ELMOD1: variants seen among roughly 807,000 people sequenced by gnomAD.
The protein encoded by ELMOD1 is ELMO domain containing 1.
ELMOD1 carries 21 observed loss-of-function variants against 46.7 expected under a neutral mutation model. That is an observed-to-expected ratio of 0.45 (90% CI 0.32 to 0.65). ELMOD1 has a LOEUF of 0.65. Ranked by LOEUF, ELMOD1 falls within the 30% of genes least tolerant of loss-of-function variation. ELMOD1 has a pLI of 0.04. For synonymous variants in ELMOD1, 122 were observed against 138.2 expected, an observed-to-expected ratio of 0.88 and a Z score of 0.82; for missense variants, 348 against 407.8, an observed-to-expected ratio of 0.85 and a Z score of 1.26.
chr11:107,654,275 C>T, intron 10 of ELMOD1, 53 bp downstream of exon 10: 1 of 1,442,750 alleles, frequency 6.9e-7, no homozygotes, highest in South Asian at 1.2e-5. Flanking sequence ...AGAACCAGAA[C>T]TAGAACTAGA....
intron 2 of ELMOD1, chr11:107,620,490 G>A (rs1230433939): frequency 2.6e-5 from 4 of 152,248 alleles, no homozygotes; most frequent in Non-Finnish European, 5.9e-5. Context: ...GCTAAAATGT[G>A]TATTTTAAAT....
intron 6 of ELMOD1, chr11:107,643,765 G>T (rs58817705): frequency 0.087 from 39,697 of 458,600 alleles, 2,413 homozygotes; most frequent in South Asian, 0.18. Context: ...GTTCTGTTGC[G>T]TATACTGCTG....
chr11:107,591,912 A>G (rs919786819), intron 1 of ELMOD1: 2 of 501,172 alleles, frequency 4.0e-6, no homozygotes, highest in African/African-American at 3.9e-5. Flanking sequence ...GCGAGCTGGG[A>G]GGAGCGGTCG....
At chr11:107,650,504 G>C (rs562549325) in intron 8 of ELMOD1, 101 bp downstream of exon 8, 26 of 894,388 alleles carry the variant, frequency 2.9e-5, no homozygotes, top group Non-Finnish European at 4.6e-5. Context: ...GGAGAGTGAG[G>C]CTCAAAGCTT....
rs759464252 is a variant in ELMOD1 at position 107,650,432 on chromosome 11, G to T, written c.623+29G>T. The T allele has an allele frequency of 3.4e-5, 49 of 1,448,778 alleles. No individual in the cohort carries two copies. In the Admixed American group the frequency reaches 7.2e-4, roughly 21 times the overall value. The allele number at this position is 1,448,778 out of a possible 1,614,324, so 89.7% of individuals were successfully genotyped here. The stretch of plus-strand genomic sequence containing the variant: ...ATTGTTGAAAGTAAAAGATGAATTA[G>T]GTTTTATGGGTTAGATCAAATGAAC... On this transcript the variant is annotated intron_variant, in intron 8 of 11. Coordinates refer to ENST00000265840, the MANE Select transcript of ELMOD1 (RefSeq NM_018712.4).
In ELMOD1 at chr11:107,666,778, T is replaced by C. The variant is rs1005967906; in HGVS notation, c.*1581T>C. On this transcript the variant is annotated 3_prime_UTR_variant, in exon 12 of 12. Transcript: ENST00000265840. Reference sequence around the variant, plus strand: ...AATTACATGTCATTCTACTGTAACGTATATTGGATTTCATATTAATATTTT... The same window carrying C: ...AATTACATGTCATTCTACTGTAACGCATATTGGATTTCATATTAATATTTT... The C allele has an allele frequency of 2.0e-5, 3 of 152,646 alleles. No homozygotes were observed. Among genetic ancestry groups the C allele is most frequent in the African/African-American group, 7.2e-5 (3 of 41,458 alleles). 9.5% of individuals were successfully genotyped at this position (152,646 alleles called of 1,614,324 possible). A position where few individuals can be genotyped will look rare whatever the true frequency, so the allele number is the denominator to read the frequency against.
At chr11:107,618,387 T>C (rs1268223782) in intron 2 of ELMOD1, among the ~76,000 whole-genome samples, 181 bp downstream of exon 2, 4 of 152,164 alleles carry the variant, frequency 2.6e-5, no homozygotes, top group Admixed American at 2.6e-4. Flanking sequence ...TAACTCTATA[T>C]GCGTGCTGAT....
intron 1 of ELMOD1, among the ~76,000 whole-genome samples, chr11:107,611,413 G>A (rs1381247031): frequency 6.6e-6 from 1 of 152,084 alleles, no homozygotes; most frequent in African/African-American, 2.4e-5. Context: ...ATTAAAAAGT[G>A]GCCAAGGCTG....
chr11:107,644,890 C>CA (rs1866394263), intron 6 of ELMOD1, among the ~76,000 whole-genome samples: 1 of 151,066 alleles, frequency 6.6e-6, no homozygotes, highest in South Asian at 2.1e-4. Flanking sequence ...TGTCAGTCAC[C>CA]AAATCAGTTC....
At chr11:107,612,010 C>T (rs1476866051) in intron 1 of ELMOD1, among the ~76,000 whole-genome samples, 1 of 152,188 alleles carries the variant, frequency 6.6e-6, no homozygotes, top group African/African-American at 2.4e-5. Context: ...AGCAATCCCA[C>T]TGTTGGGTAT....
rs1190626090 is a variant in ELMOD1, at chr11:107,625,365, A to G, written c.18-5052A>G. On this transcript the variant is annotated intron_variant, in intron 2 of 11. Coordinates refer to ENST00000265840, the MANE Select transcript of ELMOD1 (RefSeq NM_018712.4). ...GTGATTATTTTTGTACATATCTTTC[A>G]TCAACAATAGTGTACTTTTTATTTA... 3.1e-6 allele frequency: 3 copies of G among 962,708 alleles called. No individual in the cohort carries two copies. The East Asian group carries it at 3.4e-4, about 110-fold the overall frequency. 59.6% of individuals were successfully genotyped at this position (962,708 alleles called of 1,614,324 possible).
At chr11:107,631,190 T>G (rs1199953489) in intron 4 of ELMOD1, among the ~76,000 whole-genome samples, 2 of 152,164 alleles carry the variant, frequency 1.3e-5, no homozygotes, top group Non-Finnish European at 2.9e-5. Context: ...TTTATCTTAT[T>G]AATTTTGACA....
chr11:107,657,530 T>C (rs1866656324), intron 11 of ELMOD1, among the ~76,000 whole-genome samples: 1 of 152,104 alleles, frequency 6.6e-6, no homozygotes, highest in African/African-American at 2.4e-5. Flanking sequence ...CCCATCTCAA[T>C]CAATCAATCA....
intron 2 of ELMOD1, chr11:107,619,921 G>A (rs1444003499): frequency 1.3e-5 from 2 of 152,038 alleles, no homozygotes; most frequent in East Asian, 3.9e-4. Flanking sequence ...ACTAAAGCTA[G>A]GATAACAGAT....
At chr11:107,625,408 G>A in intron 2 of ELMOD1, 2 of 983,574 alleles carry the variant, frequency 2.0e-6, no homozygotes, top group South Asian at 4.7e-5. Flanking sequence ...ATTTCTTCAA[G>A]CAAGAATTAA....
At chr11:107,614,479 C>T (rs1278112881) in intron 1 of ELMOD1, among the ~76,000 whole-genome samples, 1 of 152,152 alleles carries the variant, frequency 6.6e-6, no homozygotes, top group Non-Finnish European at 1.5e-5. Context: ...ACTGGGGCTA[C>T]AGGCACACAC....
chr11:107,640,199 A>G (rs928742103), intron 6 of ELMOD1, among the ~76,000 whole-genome samples: 18 of 152,150 alleles, frequency 1.2e-4, no homozygotes, highest in Non-Finnish European at 4.4e-5. Context: ...AAATATACAG[A>G]TAATTGTACT....
intron 5 of ELMOD1, among the ~76,000 whole-genome samples, chr11:107,634,892 C>T (rs910416993): frequency 6.6e-6 from 1 of 152,176 alleles, no homozygotes; most frequent in Non-Finnish European, 1.5e-5. Flanking sequence ...TAAATTTGCT[C>T]AGAGAACGGA....
chr11:107,607,365 A>T (rs759483566), intron 1 of ELMOD1, among the ~76,000 whole-genome samples: 21 of 152,172 alleles, frequency 1.4e-4, no homozygotes, highest in Non-Finnish European at 2.5e-4. Flanking sequence ...ATAATAAAGA[A>T]ATAGGGCAGG....
Sources: gnomAD v4.1 joint callset for allele counts (sites outside exome capture counted in the v4.1 genomes callset) on GRCh38, gnomAD v4.1.1 for gene constraint, MANE v1.5 for transcripts, NCBI Gene and HGNC (gene_info 2026-07-23, HGNC 2026-07-21) for gene names.